MTUS2: variants seen among roughly 807,000 people sequenced by gnomAD.
MTUS2 encodes microtubule-associated tumor suppressor candidate 2.
MTUS2 carries 40 observed loss-of-function variants against 114.1 expected under a neutral mutation model. The ratio of observed to expected loss-of-function variants is 0.35; its 90% CI spans 0.27 to 0.46. MTUS2 has a LOEUF of 0.46. MTUS2 is among the 20% of genes least tolerant of loss of function. The probability of loss-of-function intolerance (pLI) is 1.00; values close to 1 mark genes in which losing one functional copy is unlikely to be tolerated. For synonymous variants in MTUS2, 688 were observed against 672.0 expected, an observed-to-expected ratio of 1.02 and a Z score of -0.37; for missense variants, 1,679 against 1,705.4, an observed-to-expected ratio of 0.98 and a Z score of 0.27.
chr13:29,296,381 ATTTTTT>A (rs543110006), intron 6 of MTUS2, among the ~76,000 whole-genome samples: 1 of 149,488 alleles, frequency 6.7e-6, no homozygotes, highest in African/African-American at 2.5e-5. Flanking sequence ...ATTAAAAAAA[ATTTTTT>A]TTTTGTAGAG....
At chr13:29,354,264 G>A (rs1475492031) in intron 7 of MTUS2, among the ~76,000 whole-genome samples, 1 of 133,524 alleles carries the variant, frequency 7.5e-6, no homozygotes, top group East Asian at 2.0e-4. Flanking sequence ...TTTTTTGCTG[G>A]TTTCAAATGA....
Position 29,026,698 on chromosome 13 carries a change from T to C in MTUS2, c.2000T>C (p.Leu667Pro). 1.2e-6 allele frequency: 2 copies of C among 1,613,988 alleles called. No homozygotes were observed. Among genetic ancestry groups the C allele is most frequent in the Non-Finnish European group, 1.7e-6 (2 of 1,179,890 alleles). ...QVDASLVPVGLPYAPPTCTMP... is the reference protein window; with the variant it reads ...QVDASLVPVGPPYAPPTCTMP... Reference sequence around the variant, plus strand: ...GACGCCTCGCTGGTTCCAGTGGGGCTTCCATATGCCCCGCCCACATGTACC... The same window carrying C: ...GACGCCTCGCTGGTTCCAGTGGGGCCTCCATATGCCCCGCCCACATGTACC... Residue 667 changes from leucine to proline, a missense_variant, in exon 3 of 16, where the codon CTT becomes CCT. This residue lies in a region of MTUS2 where 822 missense variants were observed against 899.7 expected (regional missense o/e 0.91). Coordinates refer to ENST00000612955, the MANE Select transcript of MTUS2 (RefSeq NM_001033602.4).
intron 8 of MTUS2, among the ~76,000 whole-genome samples, chr13:29,406,992 T>C (rs901364654): frequency 4.9e-4 from 74 of 152,334 alleles, no homozygotes; most frequent in African/African-American, 1.7e-3. Context: ...ACGCCTGTAA[T>C]CCCAGCACTT....
chr13:29,134,273 T>C lies in MTUS2; in HGVS notation c.2644+33303T>C, dbSNP rs142126830. On this transcript the variant is annotated intron_variant, in intron 5 of 15. Transcript: ENST00000612955. The stretch of plus-strand genomic sequence containing the variant: ...AATTTGTAATCTGTCTTTTAAAATC[T>C]ATTGAAGCTTAATTTGTGGTCTAGT... Among the ~76,000 whole-genome samples, 372 of 152,330 alleles carry C rather than the reference T, an allele frequency of 2.4e-3. 3 individuals are homozygous for C. The highest frequency in any genetic ancestry group is 3.4e-3 in the Non-Finnish European group (232 of 68,030).
intron 8 of MTUS2, among the ~76,000 whole-genome samples, chr13:29,437,674 G>A (rs1220488948): frequency 1.3e-5 from 2 of 152,150 alleles, no homozygotes; most frequent in East Asian, 1.9e-4. Flanking sequence ...GGCCAGGCAC[G>A]GTGGCTCACA....
At chr13:29,382,052 G>A (rs568348730) in intron 8 of MTUS2, among the ~76,000 whole-genome samples, 5 of 152,166 alleles carry the variant, frequency 3.3e-5, no homozygotes, top group Admixed American at 6.5e-5. Context: ...AGAGCTGGAG[G>A]TGTGTTGGAG....
chr13:29,230,107 A>G (rs993033345), intron 5 of MTUS2, among the ~76,000 whole-genome samples: 8 of 152,070 alleles, frequency 5.3e-5, no homozygotes, highest in African/African-American at 1.2e-4. Context: ...TTAGCCGGGC[A>G]TGGTGGTGGG....
At chr13:28,849,810 C>G (rs2138023395) in intron 2 of MTUS2, among the ~76,000 whole-genome samples, 1 of 152,164 alleles carries the variant, frequency 6.6e-6, no homozygotes, top group Middle Eastern at 3.4e-3. Flanking sequence ...ATGCTGTTTT[C>G]CCTCTCCTCT....
chr13:29,035,640 T>C (rs182876046), intron 4 of MTUS2, among the ~76,000 whole-genome samples: 2 of 152,222 alleles, frequency 1.3e-5, no homozygotes, highest in South Asian at 4.1e-4. Flanking sequence ...TCCTCAGAGA[T>C]ATTCCCTTGC....
chr13:29,077,911 A>G (rs1889267719), intron 4 of MTUS2, among the ~76,000 whole-genome samples: 1 of 152,214 alleles, frequency 6.6e-6, no homozygotes, highest in African/African-American at 2.4e-5. Flanking sequence ...TTAAAAGGAG[A>G]ATCAATACAA....
intron 2 of MTUS2, among the ~76,000 whole-genome samples, chr13:28,921,984 C>T (rs570015364): frequency 1.3e-5 from 2 of 152,264 alleles, no homozygotes; most frequent in African/African-American, 4.8e-5. Context: ...CTTTGTGTCC[C>T]CACCCATATC....
chr13:28,904,719 A>T (rs1383513613), intron 2 of MTUS2, among the ~76,000 whole-genome samples: 4 of 152,112 alleles, frequency 2.6e-5, no homozygotes, highest in Non-Finnish European at 4.4e-5. Flanking sequence ...TTGGCTTAGG[A>T]TTGACTTGGC....
At chr13:29,032,790 G>T (rs775218249) in intron 3 of MTUS2, among the ~76,000 whole-genome samples, 1 of 152,178 alleles carries the variant, frequency 6.6e-6, no homozygotes, top group Non-Finnish European at 1.5e-5. Flanking sequence ...AAAGAATACT[G>T]TTAAATGCTT....
intron 4 of MTUS2, among the ~76,000 whole-genome samples, chr13:29,077,541 G>GT (rs1889248028): frequency 2.0e-5 from 3 of 152,136 alleles, no homozygotes; most frequent in African/African-American, 7.2e-5. Flanking sequence ...CTTTCATTTA[G>GT]TTTTTTCTTC....
chr13:28,859,782 A>G (rs1876858815), intron 2 of MTUS2, among the ~76,000 whole-genome samples: 1 of 152,150 alleles, frequency 6.6e-6, no homozygotes, highest in African/African-American at 2.4e-5. Context: ...GGAGATTTGT[A>G]TGTTGTTCAG....
intron 5 of MTUS2, among the ~76,000 whole-genome samples, chr13:29,114,241 C>T (rs868063294): frequency 1.3e-5 from 2 of 152,052 alleles, no homozygotes; most frequent in Non-Finnish European, 2.9e-5. Context: ...TGACATAGAG[C>T]TAATGAAGAT....
At chr13:29,115,095 A>AT (rs1024453188) in intron 5 of MTUS2, among the ~76,000 whole-genome samples, 5 of 152,084 alleles carry the variant, frequency 3.3e-5, no homozygotes, top group African/African-American at 9.7e-5. Context: ...TGAAATGTAG[A>AT]TTTTTTTTAT....
chr13:29,022,669 C>T (rs890924971), intron 2 of MTUS2, among the ~76,000 whole-genome samples: 2 of 152,188 alleles, frequency 1.3e-5, no homozygotes, highest in African/African-American at 4.8e-5. Context: ...GGCTTCAAGT[C>T]TCCATTGGGG....
intron 7 of MTUS2, among the ~76,000 whole-genome samples, chr13:29,330,362 A>G (rs1038974863): frequency 2.0e-5 from 3 of 152,180 alleles, no homozygotes; most frequent in African/African-American, 7.2e-5. Flanking sequence ...TAGATTGCCA[A>G]AATTTTCTCC....
Sources: gnomAD v4.1 joint callset for allele counts (sites outside exome capture counted in the v4.1 genomes callset) on GRCh38, gnomAD v4.1.1 for gene constraint, gnomAD v4.1.1 regional missense constraint, MANE v1.5 for transcripts, NCBI Gene and HGNC (gene_info 2026-07-23, HGNC 2026-07-21) for gene names.